The following REV3L variants were observed in gnomAD, a reference collection of about 807,000 sequenced individuals.
REV3L encodes the protein REV3 like, DNA directed polymerase zeta catalytic subunit, also known as DNA polymerase zeta catalytic subunit.
Under a neutral mutation model 299.4 loss-of-function variants are expected in REV3L, and 69 were observed. That is an observed-to-expected ratio of 0.23 (90% confidence interval 0.19 to 0.28). REV3L has a LOEUF of 0.28. REV3L is among the 10% of genes least tolerant of loss of function. The pLI is 1.00. For missense variants in REV3L, 3,128 were observed against 3,693.8 expected (o/e 0.85, Z 3.97); for synonymous variants, 1,238 against 1,271.4 (o/e 0.97, Z 0.56).
intron 1 of REV3L, among the ~76,000 whole-genome samples, chr6:111,481,644 G>A (rs1054670695): frequency 2.0e-5 from 3 of 152,130 alleles, no homozygotes; most frequent in African/African-American, 7.2e-5. Context: ...GCATCAAGTG[G>A]GAAATGCTAT....
chr6:111,375,259 T>G lies in REV3L; in HGVS notation c.3096A>C (p.Ala1032=). The part of the protein sequence containing the change: ...DFWPKVPDSP[A]TKYPIYPLTP... ...TTAGTGGATAAATGGGATATTTGGT[T>G]GCAGGGGAGTCGGGAACTTTTGGCC... Residue 1032 remains alanine, a synonymous_variant, in exon 13 of 32, where the codon GCA becomes GCC. Transcript: ENST00000368802. 1.2e-6 allele frequency: 2 copies of G among 1,610,834 alleles called. No individual in the cohort carries two copies. The highest frequency in any genetic ancestry group is 1.3e-5 in the African/African-American group (1 of 74,840).
chr6:111,453,931 T>G (rs1435266941), intron 1 of REV3L, among the ~76,000 whole-genome samples: 4 of 152,086 alleles, frequency 2.6e-5, no homozygotes, highest in African/African-American at 9.7e-5. Flanking sequence ...GGTTGCAGTG[T>G]GCTAAGATCA....
chr6:111,392,579 A>G (rs762087000), intron 5 of REV3L: 4 of 185,148 alleles, frequency 2.2e-5, no homozygotes, highest in African/African-American at 4.7e-5. Context: ...TTTACTTGAC[A>G]AGTTATAGGA....
rs749224323 is a variant in REV3L at position 111,387,853 on chromosome 6, T to C, written c.1008A>G (p.Thr336=). ...CAGGAGACAGAACCTCAGAGTGCAATGTTAACTCAGCAGAGAACTCCTGGG... is the reference window on the plus strand; with the variant it reads ...CAGGAGACAGAACCTCAGAGTGCAACGTTAACTCAGCAGAGAACTCCTGGG... The part of the protein sequence containing the change: ...DGSQEFSAEL[T]LHSEVLSPEM... The change falls in exon 9 of 32, where the codon ACA becomes ACG. Residue 336 remains threonine, a synonymous_variant. Coordinates refer to ENST00000368802, the MANE Select transcript of REV3L (RefSeq NM_001372078.1). 27 of 1,613,778 alleles carry C rather than the reference T, an allele frequency of 1.7e-5. No individual in the cohort carries two copies. Among genetic ancestry groups the C allele is most frequent in the Non-Finnish European group, 2.2e-5 (26 of 1,179,874 alleles).
Position 111,474,988 on chromosome 6 carries a change from T to TATACACACAC in REV3L, c.139+7761_139+7762insGTGTGTGTAT, listed in dbSNP as rs151075609. Among the ~76,000 whole-genome samples the TATACACACAC allele has an allele frequency of 8.7e-3, 1,267 of 145,904 alleles. 15 individuals are homozygous for TATACACACAC. The highest frequency in any genetic ancestry group is 0.025 in the African/African-American group (943 of 38,444). ...ATTACATTCTATAGCTGCCTATATATACACACACACACACACACACACACA... is the reference window on the plus strand; with the variant it reads ...ATTACATTCTATAGCTGCCTATATATATACACACACACACACACACACACACACACACACA... On this transcript the variant is annotated intron_variant, in intron 1 of 31. Transcript: ENST00000368802.
At chr6:111,470,782 C>T (rs1435669927) in intron 1 of REV3L, among the ~76,000 whole-genome samples, 1 of 152,146 alleles carries the variant, frequency 6.6e-6, no homozygotes, top group Non-Finnish European at 1.5e-5. Flanking sequence ...GAGTTCGAAA[C>T]CAGCCTGGCC....
intron 1 of REV3L, among the ~76,000 whole-genome samples, chr6:111,455,816 C>T (rs1488433962): frequency 6.6e-6 from 1 of 152,142 alleles, no homozygotes; most frequent in Non-Finnish European, 1.5e-5. Flanking sequence ...GAACACAATG[C>T]ATTTTCACTT....
At chr6:111,357,418 T>A (rs773361287) in intron 17 of REV3L, among the ~76,000 whole-genome samples, 5 of 152,084 alleles carry the variant, frequency 3.3e-5, no homozygotes, top group Non-Finnish European at 5.9e-5. Context: ...ACTGGCTGGG[T>A]GCAGTGGCTC....
intron 1 of REV3L, among the ~76,000 whole-genome samples, chr6:111,466,996 G>A (rs1044029373): frequency 6.6e-6 from 1 of 152,066 alleles, no homozygotes; most frequent in African/African-American, 2.4e-5. Context: ...TAAAGCAGAC[G>A]CTAAAGAATA....
chr6:111,310,093 C>T lies in REV3L; in HGVS notation c.8802G>A (p.Met2934Ile), dbSNP rs1487669096. ...GCTCAGAGCGCCGGTCATAAGTCAG[C>T]ATTTTCCTATTCGAATTCAAAGAAA... The part of the protein sequence containing the change: ...CVPALELTRK[M>I]LTYDRRSEPQ... The change falls in exon 30 of 32, where the codon ATG becomes ATA. Residue 2934 changes from methionine to isoleucine, a missense_variant. Physicochemically the swap from Met to Ile is conservative, Grantham distance 10 (BLOSUM62 1). Around this residue, in one of 9 missense-constraint regions of REV3L, gnomAD observed 294 missense variants for 377.0 expected, o/e 0.78. Transcript: ENST00000368802. 1 of 1,516,566 alleles carries T rather than the reference C, an allele frequency of 6.6e-7. No homozygotes were observed. Among genetic ancestry groups the T allele is most frequent in the South Asian group, 1.3e-5 (1 of 75,668 alleles). The allele number at this position is 1,516,566 out of a possible 1,614,324, so 93.9% of individuals were successfully genotyped here.
chr6:111,481,870 C>A (rs1055957286), intron 1 of REV3L, among the ~76,000 whole-genome samples: 1 of 152,136 alleles, frequency 6.6e-6, no homozygotes, highest in Non-Finnish European at 1.5e-5. Flanking sequence ...GGCTGTCTCC[C>A]CTTCCCATCC....
At chr6:111,422,595 C>CACATATATATATAT (rs1785528217) in intron 1 of REV3L, among the ~76,000 whole-genome samples, 1 of 18,568 alleles carries the variant, frequency 5.4e-5, no homozygotes, top group African/African-American at 1.4e-4. Context: ...TATATATATA[C>CACATATATATATAT]ACATATATAT....
chr6:111,483,579 G>C, upstream of REV3L: 1 of 468,592 alleles, frequency 2.1e-6, no homozygotes, highest in Middle Eastern at 3.5e-4. Context: ...ATTGGCAGGA[G>C]CTGCGATGCT....
chr6:111,388,427 CAA>C (rs777048419), intron 7 of REV3L, among the ~76,000 whole-genome samples: 1 of 152,210 alleles, frequency 6.6e-6, no homozygotes, highest in East Asian at 1.9e-4. Flanking sequence ...AAAAGGCACT[CAA>C]AGTTTATCAA....
chr6:111,348,239 C>T (rs1777221599), intron 20 of REV3L, among the ~76,000 whole-genome samples: 1 of 152,118 alleles, frequency 6.6e-6, no homozygotes, highest in Admixed American at 6.5e-5. Flanking sequence ...AGGTGTGAGC[C>T]ACCATGTATG....
intron 4 of REV3L, among the ~76,000 whole-genome samples, chr6:111,402,960 G>A (rs549884032): frequency 6.6e-6 from 1 of 152,234 alleles, no homozygotes; most frequent in Admixed American, 6.5e-5. Flanking sequence ...ATTCATAAAT[G>A]GATGTTCACA....
Position 111,367,404 on chromosome 6 carries a change from C to T in REV3L, c.6384G>A (p.Trp2128Ter). ...TGGAATCTGGGGATATTGGTTGTTG[C>T]CAAGGGGGAATTACTGGAGAATCAG... ...SSPDSPVIPP[W>*]QQPISPDSKA... is the part of the protein sequence containing the mutation. Residue 2128 changes from tryptophan (W) to a stop codon, truncating the protein, a stop_gained, in exon 14 of 32, where the codon TGG (tryptophan) becomes TGA (stop). Transcript: ENST00000368802. LOFTEE classifies it high-confidence loss of function. 1 of 1,611,006 alleles carries T rather than the reference C, an allele frequency of 6.2e-7. No homozygotes were observed. The highest frequency in any genetic ancestry group is 1.1e-5 in the South Asian group (1 of 90,406).
intron 1 of REV3L, among the ~76,000 whole-genome samples, chr6:111,428,580 A>C (rs1457198231): frequency 6.6e-6 from 1 of 152,170 alleles, no homozygotes; most frequent in East Asian, 1.9e-4. Context: ...ACATTTGGTG[A>C]ACTGAAAAAT....
intron 1 of REV3L, among the ~76,000 whole-genome samples, chr6:111,427,820 AAAGAG>A (rs1400265263): frequency 6.6e-6 from 1 of 152,126 alleles, no homozygotes; most frequent in Non-Finnish European, 1.5e-5. Flanking sequence ...CACCAGAAAT[AAAGAG>A]AAGAGGTCGG....
Sources: gnomAD v4.1 joint callset for allele counts (sites outside exome capture counted in the v4.1 genomes callset) on GRCh38, gnomAD v4.1.1 for gene constraint, gnomAD v4.1.1 regional missense constraint, MANE v1.5 for transcripts, NCBI Gene and HGNC (gene_info 2026-07-23, HGNC 2026-07-21) for gene names.